Variants in ARMH1 observed in about 807,000 individuals in gnomAD.
ARMH1 encodes armadillo like helical domain containing 1.
ARMH1 carries 34 observed loss-of-function variants against 50.2 expected under a neutral mutation model. That is an observed-to-expected ratio of 0.68 (90% CI 0.51 to 0.90). The LOEUF (loss-of-function observed/expected upper bound fraction) is 0.90. Ranked by LOEUF, ARMH1 falls within the 40% of genes least tolerant of loss-of-function variation. The pLI is 0.00. For synonymous variants in ARMH1, 221 were observed against 224.2 expected (o/e 0.99, Z 0.13); for missense variants, 538 against 553.9 (o/e 0.97, Z 0.29).
At chr1:44,691,351 T>G (rs906874115) in intron 2 of ARMH1, among the ~76,000 whole-genome samples, 2 of 152,140 alleles carry the variant, frequency 1.3e-5, no homozygotes, top group African/African-American at 4.8e-5. Context: ...GCCATCTGAC[T>G]TCGGTGCCTC....
intron 6 of ARMH1, among the ~76,000 whole-genome samples, chr1:44,713,444 C>G (rs892039290): frequency 3.3e-4 from 50 of 152,086 alleles, no homozygotes; most frequent in African/African-American, 1.1e-3. Context: ...TTTAGCCTTT[C>G]CTGCTGTATA....
intron 6 of ARMH1, among the ~76,000 whole-genome samples, chr1:44,712,799 GATTAC>G (rs1646674667): frequency 1.3e-5 from 2 of 151,592 alleles, no homozygotes; most frequent in Non-Finnish European, 2.9e-5. Context: ...AAGAAGCTGG[GATTAC>G]AGGCATGTGC....
At chr1:44,721,624 G>C (rs763831374) in intron 6 of ARMH1, among the ~76,000 whole-genome samples, 1 of 151,450 alleles carries the variant, frequency 6.6e-6, no homozygotes, top group Non-Finnish European at 1.5e-5. Flanking sequence ...ACAGGCTTAT[G>C]AGGCTGAGGT....
chr1:44,699,846 T>TTA (rs1419293907), intron 4 of ARMH1, among the ~76,000 whole-genome samples: 2 of 151,364 alleles, frequency 1.3e-5, no homozygotes, highest in African/African-American at 4.9e-5. Flanking sequence ...TTTTTTTTTT[T>TTA]TGAGTTGGAG....
At chr1:44,706,607 C>T (rs1338264457) in intron 6 of ARMH1, among the ~76,000 whole-genome samples, 1 of 152,200 alleles carries the variant, frequency 6.6e-6, no homozygotes, top group Non-Finnish European at 1.5e-5. Context: ...AGTGCTTAAA[C>T]TGAATGTCAG....
At chr1:44,699,380 A>G (rs1292958508) in intron 4 of ARMH1, among the ~76,000 whole-genome samples, 3 of 152,212 alleles carry the variant, frequency 2.0e-5, no homozygotes, top group Admixed American at 1.3e-4. Context: ...TAGGGATACA[A>G]AAATGAATAC....
chr1:44,706,671 G>C (rs1049361549), intron 6 of ARMH1, among the ~76,000 whole-genome samples: 1 of 152,140 alleles, frequency 6.6e-6, no homozygotes, highest in Admixed American at 6.5e-5. Flanking sequence ...ACCCCTGCAA[G>C]GTCTGTGTGC....
At chr1:44,720,360 C>G (rs1330802069) in intron 6 of ARMH1, among the ~76,000 whole-genome samples, 1 of 152,190 alleles carries the variant, frequency 6.6e-6, no homozygotes, top group African/African-American at 2.4e-5. Context: ...GGGTCATCCA[C>G]CACCAGGCTG....
chr1:44,677,707 A>G (rs1343298752), intron 1 of ARMH1, among the ~76,000 whole-genome samples: 2 of 152,212 alleles, frequency 1.3e-5, no homozygotes, highest in East Asian at 3.9e-4. Flanking sequence ...TGATAGAAAG[A>G]CTTGAGGGGA....
intron 6 of ARMH1, among the ~76,000 whole-genome samples, chr1:44,715,898 A>G (rs985815810): frequency 6.6e-6 from 1 of 152,214 alleles, no homozygotes; most frequent in Admixed American, 6.5e-5. Flanking sequence ...CATCAGCACC[A>G]GCACTGCACC....
chr1:44,691,576 T>G (rs1008324838), intron 2 of ARMH1, among the ~76,000 whole-genome samples: 12 of 152,184 alleles, frequency 7.9e-5, no homozygotes, highest in African/African-American at 2.9e-4. Context: ...ATGCTGTTCC[T>G]TGGGATTCCA....
chr1:44,676,560 G>A (rs761601101), intron 1 of ARMH1, among the ~76,000 whole-genome samples: 2 of 152,198 alleles, frequency 1.3e-5, no homozygotes, highest in Non-Finnish European at 2.9e-5. Flanking sequence ...ATCAGTAGTA[G>A]TATGTGGTGT....
At chr1:44,723,929 C>T (rs1647799894) in intron 6 of ARMH1, 193 bp from the exon 7 acceptor site, 2 of 654,314 alleles carry the variant, frequency 3.1e-6, no homozygotes, top group South Asian at 4.7e-5. Flanking sequence ...TCCAACCCTT[C>T]CTCCTCCCCC....
At chr1:44,677,247 C>A (rs759784666) in intron 1 of ARMH1, among the ~76,000 whole-genome samples, 1 of 152,126 alleles carries the variant, frequency 6.6e-6, no homozygotes, top group Non-Finnish European at 1.5e-5. Flanking sequence ...ATGGCCCTGT[C>A]GAGGTTAGTG....
At chr1:44,687,600 G>A (rs537845751) in intron 1 of ARMH1, among the ~76,000 whole-genome samples, 11 of 152,268 alleles carry the variant, frequency 7.2e-5, no homozygotes, top group African/African-American at 2.6e-4. Flanking sequence ...TGGCGGAGCT[G>A]AGCCTTGAAC....
intron 2 of ARMH1, among the ~76,000 whole-genome samples, chr1:44,695,691 A>G (rs1645802172): frequency 1.3e-5 from 2 of 152,112 alleles, no homozygotes; most frequent in South Asian, 2.1e-4. Context: ...TGTAATCCCA[A>G]CACTTTGGAA....
intron 3 of ARMH1, 74 bp downstream of exon 3, chr1:44,697,244 C>A: frequency 8.7e-7 from 1 of 1,147,948 alleles, no homozygotes; most frequent in Non-Finnish European, 1.3e-6. Flanking sequence ...GCATTCACAC[C>A]ACCCAGGGCC....
intron 6 of ARMH1, among the ~76,000 whole-genome samples, chr1:44,709,516 C>CA (rs1018834769): frequency 2.2e-4 from 34 of 152,090 alleles, no homozygotes; most frequent in East Asian, 7.7e-4. Context: ...ACTAAAAATA[C>CA]AAAAAATTAG....
At chr1:44,677,700 TAGAA>T (rs959745861) in intron 1 of ARMH1, among the ~76,000 whole-genome samples, 1 of 152,026 alleles carries the variant, frequency 6.6e-6, no homozygotes, top group African/African-American at 2.4e-5. Context: ...CCCTGGATGA[TAGAA>T]AGACTTGAGG....
Sources: gnomAD v4.1 joint callset for allele counts (sites outside exome capture counted in the v4.1 genomes callset) on GRCh38, gnomAD v4.1.1 for gene constraint, MANE v1.5 for transcripts, NCBI Gene and HGNC (gene_info 2026-07-23, HGNC 2026-07-21) for gene names.